Variants in ASAH1 observed in about 807,000 individuals in gnomAD.
The protein encoded by ASAH1 is N-acylsphingosine amidohydrolase 1, also known as acid ceramidase.
In ASAH1, 70 loss-of-function variants were observed where a neutral mutation model predicts 59.5. That is an observed-to-expected ratio of 1.18 (90% CI 0.97 to 1.43). ASAH1 has a LOEUF of 1.43. Ranked by LOEUF, ASAH1 falls within the 40% of genes most tolerant of loss-of-function variation. The pLI, the probability that ASAH1 is intolerant of heterozygous loss-of-function variation, is 0.00. For missense variants in ASAH1, 660 were observed against 482.5 expected (o/e 1.37, Z -3.45); for synonymous variants, 213 against 166.5 (o/e 1.28, Z -2.15).
In ASAH1 at chr8:18,071,346, G is replaced by A. The variant is rs11538152; in HGVS notation, c.170C>T (p.Pro57Leu). 82 of 1,604,928 alleles carry A rather than the reference G, an allele frequency of 5.1e-5. No individual in the cohort carries two copies. In the East Asian group the frequency reaches 1.2e-3, roughly 24 times the overall value. Reference sequence around the variant, plus strand: ...CAATTCATGCCATCTTTTGTAGGGTGGTAAGTCAAGATTTATGGTGTACCA... The same window carrying A: ...CAATTCATGCCATCTTTTGTAGGGTAGTAAGTCAAGATTTATGGTGTACCA... ...VPWYTINLDL[P>L]PYKRWHELML... The change falls in exon 3 of 14, where the codon CCA (proline) becomes CTA (leucine). Residue 57 changes from proline to leucine, a missense_variant. Coordinates refer to ENST00000637790, the MANE Select transcript of ASAH1 (RefSeq NM_177924.5).
chr8:18,074,602 C>A (rs546185641), intron 2 of ASAH1, among the ~76,000 whole-genome samples: 43 of 152,304 alleles, frequency 2.8e-4, no homozygotes, highest in African/African-American at 1.0e-3. Context: ...ATCACCACCC[C>A]CTATACCTGT....
chr8:18,071,717 C>G (rs1490038129), intron 2 of ASAH1, among the ~76,000 whole-genome samples: 2 of 149,346 alleles, frequency 1.3e-5, no homozygotes, highest in Non-Finnish European at 3.0e-5. Context: ...TTTTTTTTCT[C>G]CTAAATATCT....
chr8:18,067,258 T>C lies in ASAH1; in HGVS notation c.344A>G (p.Glu115Gly). ...LGNFPGPFEE[E>G]MKGIAAVTDI... ...AGTAACAGCGGCAATACCCTTCATT[T>C]CCTCTTCAAAAGGGCCAGGAAAGTT... Residue 115 changes from glutamate (E) to glycine (G), a missense_variant, in exon 5 of 14, where the codon GAA becomes GGA. Glu to Gly is a moderately conservative substitution (Grantham distance 98, BLOSUM62 -2). Transcript: ENST00000637790. 1.2e-6 allele frequency: 2 copies of C among 1,607,668 alleles called. No individual in the cohort carries two copies. The highest frequency in any genetic ancestry group is 1.7e-6 in the Non-Finnish European group (2 of 1,176,730).
At chr8:18,078,420 T>C (rs1409897586) in intron 1 of ASAH1, among the ~76,000 whole-genome samples, 1 of 152,198 alleles carries the variant, frequency 6.6e-6, no homozygotes, top group Non-Finnish European at 1.5e-5. Context: ...GCATAGAACC[T>C]GGCTGCAAGG....
chr8:18,082,225 G>A (rs753043661), intron 1 of ASAH1, among the ~76,000 whole-genome samples: 1 of 152,124 alleles, frequency 6.6e-6, no homozygotes, highest in Non-Finnish European at 1.5e-5. Flanking sequence ...TATCCATTGA[G>A]AGGTTGTTAA....
At chr8:18,064,691 C>A in intron 5 of ASAH1, 160 bp from the exon 6 acceptor site, 1 of 615,650 alleles carries the variant, frequency 1.6e-6, no homozygotes, top group South Asian at 2.0e-5. Flanking sequence ...CTTCCCCAGC[C>A]TGGACTCTCT....
intron 5 of ASAH1, chr8:18,065,436 C>T (rs1799890022): frequency 6.6e-6 from 1 of 152,064 alleles, no homozygotes; most frequent in Non-Finnish European, 1.5e-5. Context: ...TACTGATTTT[C>T]ACAAATTCTC....
At chr8:18,074,627 G>A (rs1008679184) in intron 2 of ASAH1, among the ~76,000 whole-genome samples, 4 of 152,096 alleles carry the variant, frequency 2.6e-5, no homozygotes, top group Admixed American at 2.6e-4. Context: ...TCTTTTCTCT[G>A]TTCTGTACAC....
intron 6 of ASAH1, chr8:18,063,884 C>T: frequency 6.2e-6 from 1 of 160,080 alleles, no homozygotes; most frequent in Admixed American, 6.1e-5. Flanking sequence ...AAATGTTTCC[C>T]TTCAGGCATC....
At chr8:18,073,125 A>T in intron 2 of ASAH1, 1 of 938,582 alleles carries the variant, frequency 1.1e-6, no homozygotes, top group Non-Finnish European at 1.6e-6. Context: ...TAATCTAATA[A>T]ACCAAATTAT....
At position 18,061,369 on chromosome 8, in the gene ASAH1, C is replaced by T; in HGVS notation, c.785+8G>A. The T allele has an allele frequency of 6.2e-7, 1 of 1,603,056 alleles. No homozygotes were observed. The highest frequency in any genetic ancestry group is 1.3e-5 in the African/African-American group (1 of 74,864). On this transcript the variant is annotated splice_region_variant and intron_variant, in intron 10 of 13. Coordinates refer to ENST00000637790, the MANE Select transcript of ASAH1 (RefSeq NM_177924.5). ...AATATTTAATAGTAAAGCAACGAAA[C>T]ACTTTACCTTGTGCTATTTTCCAGA...
At chr8:18,069,522 A>C in intron 4 of ASAH1, 1 of 373,794 alleles carries the variant, frequency 2.7e-6, no homozygotes. Flanking sequence ...CATAAAGGGA[A>C]GGAAATACCA....
At chr8:18,063,570 C>A in intron 6 of ASAH1, 1 of 253,230 alleles carries the variant, frequency 3.9e-6, no homozygotes, top group South Asian at 4.7e-5. Context: ...TCGCCCGCCT[C>A]GGCCTCGCAA....
At chr8:18,077,737 GGTAAATGGCTTTC>G (rs1267308812) in intron 1 of ASAH1, among the ~76,000 whole-genome samples, 2 of 152,114 alleles carry the variant, frequency 1.3e-5, no homozygotes, top group Non-Finnish European at 2.9e-5. Context: ...ATCCACCATT[GGTAAATGGCTTTC>G]CTTATTTTGC....
Position 18,079,619 on chromosome 8 carries a change from G to A in ASAH1, c.79-4032C>T, listed in dbSNP as rs533414701. Among the ~76,000 whole-genome samples the A allele has an allele frequency of 1.2e-3, 184 of 152,236 alleles. 1 individual carries two copies. Among genetic ancestry groups the A allele is most frequent in the African/African-American group, 4.4e-3 (181 of 41,530 alleles). ...TTTTAAAAGTCCAGAAAGCCCTTGTGTGCTTGTCTTATTGAAATACTCAGA... is the reference window on the plus strand; with the variant it reads ...TTTTAAAAGTCCAGAAAGCCCTTGTATGCTTGTCTTATTGAAATACTCAGA... On this transcript the variant is annotated intron_variant, in intron 1 of 13. Transcript: ENST00000637790.
upstream of ASAH1, chr8:18,084,771 C>G: frequency 1.2e-6 from 2 of 1,613,656 alleles, no homozygotes; most frequent in Non-Finnish European, 1.7e-6. Context: ...GACCCGCGAG[C>G]TTTCTCTCCC....
At chr8:18,073,404 A>AC (rs1383175161) in intron 2 of ASAH1, 8 of 971,652 alleles carry the variant, frequency 8.2e-6, no homozygotes, top group Non-Finnish European at 1.1e-5. Context: ...TTTGAGACTT[A>AC]GTGTTTGCAA....
chr8:18,059,959 C>T lies in ASAH1; in HGVS notation c.786-256G>A, dbSNP rs900531226. The T allele has an allele frequency of 3.0e-5, 12 of 393,448 alleles. No individual in the cohort carries two copies. In the Admixed American group the frequency reaches 4.5e-4, roughly 15 times the overall value. The allele number at this position is 393,448 out of a possible 1,614,324, so 24.4% of individuals were successfully genotyped here. On this transcript the variant is annotated intron_variant, in intron 10 of 13. Coordinates refer to ENST00000637790, the MANE Select transcript of ASAH1 (RefSeq NM_177924.5). ...CCCCACCCCCTGACAGGCCCTGGTGCGTGATGTTCCCCTCCCTGTGTTCAC... is the reference window on the plus strand; with the variant it reads ...CCCCACCCCCTGACAGGCCCTGGTGTGTGATGTTCCCCTCCCTGTGTTCAC...
At chr8:18,084,821 CT>C (rs746499562), upstream of ASAH1, 6 of 1,612,292 alleles carry the variant, frequency 3.7e-6, no homozygotes, top group Admixed American at 3.3e-5. Flanking sequence ...GTGTTTCCTC[CT>C]AACTGGCGAA....
Sources: allele counts gnomAD v4.1 joint callset (sites outside exome capture counted in the v4.1 genomes callset), GRCh38; gene constraint gnomAD v4.1.1; transcripts MANE v1.5; gene names NCBI Gene and HGNC (gene_info 2026-07-23, HGNC 2026-07-21).